BICD1: variants seen among roughly 807,000 people sequenced by gnomAD.
BICD1 encodes the protein BICD cargo adaptor 1, also known as protein bicaudal D homolog 1.
Under a neutral mutation model 92.5 loss-of-function variants are expected in BICD1, and 35 were observed. That is an observed-to-expected ratio of 0.38 (90% CI 0.29 to 0.50). BICD1 has a LOEUF of 0.50. BICD1 is among the 20% of genes least tolerant of loss of function. The pLI is 0.93. For missense variants in BICD1, 950 were observed against 1,189.8 expected (o/e 0.80, Z 2.97); for synonymous variants, 429 against 465.1 (o/e 0.92, Z 1.00).
At chr12:32,280,391 A>G (rs947898381) in intron 2 of BICD1, among the ~76,000 whole-genome samples, 1 of 152,232 alleles carries the variant, frequency 6.6e-6, no homozygotes, top group African/African-American at 2.4e-5. Context: ...TTTGTGAAGA[A>G]GTGATAAGAC....
At chr12:32,167,307 G>A (rs987492890) in intron 1 of BICD1, among the ~76,000 whole-genome samples, 2 of 152,162 alleles carry the variant, frequency 1.3e-5, no homozygotes, top group Non-Finnish European at 2.9e-5. Context: ...TTCTGAGATA[G>A]CAAAGCAATG....
Position 32,107,297 on chromosome 12 carries a change from C to T in BICD1, c.-35C>T. 6.5e-7 allele frequency: 1 copy of T among 1,545,418 alleles called. No individual in the cohort carries two copies. The highest frequency in any genetic ancestry group is 8.8e-7 in the Non-Finnish European group (1 of 1,136,412). On this transcript the variant is annotated 5_prime_UTR_variant, in exon 1 of 10. Coordinates refer to ENST00000652176, the MANE Select transcript of BICD1 (RefSeq NM_001714.4). The stretch of plus-strand genomic sequence containing the variant: ...CCAGCTTCGCATCCATCTCCCCCAC[C>T]CCGTAACCCCCTCCTGCCTCCATCC...
In BICD1 at chr12:32,240,477, C is replaced by T. The variant is rs573952492; in HGVS notation, c.426+24018C>T. Among the ~76,000 whole-genome samples, 5 of 152,302 alleles carry T rather than the reference C, an allele frequency of 3.3e-5. No individual in the cohort carries two copies. In the East Asian group the frequency reaches 9.6e-4, roughly 29 times the overall value. ...TTCCTCCATCTTTCAAAGCCAGCAG[C>T]CGTGTAGCATCTTGTTTCAATGTCA... On this transcript the variant is annotated intron_variant, in intron 2 of 9. Transcript: ENST00000652176.
intron 1 of BICD1, among the ~76,000 whole-genome samples, chr12:32,113,687 G>A (rs973075752): frequency 6.7e-6 from 1 of 149,976 alleles, no homozygotes; most frequent in South Asian, 2.1e-4. Flanking sequence ...GGGACTACAG[G>A]AGCATACCAC....
intron 2 of BICD1, among the ~76,000 whole-genome samples, chr12:32,230,655 A>G (rs1212854453): frequency 4.6e-5 from 7 of 152,154 alleles, no homozygotes; most frequent in African/African-American, 1.7e-4. Flanking sequence ...CAGAATTTTT[A>G]GAGAGGAGAG....
chr12:32,360,703 A>G (rs1051724262), intron 8 of BICD1, among the ~76,000 whole-genome samples: 16 of 152,106 alleles, frequency 1.1e-4, no homozygotes, highest in Admixed American at 9.8e-4. Flanking sequence ...TAGACTCATA[A>G]CTAATTGAAT....
chr12:32,150,168 C>A (rs1943247958), intron 1 of BICD1, among the ~76,000 whole-genome samples: 1 of 152,184 alleles, frequency 6.6e-6, no homozygotes. Context: ...CCGGGTCCCT[C>A]CTACAACACA....
At chr12:32,371,224 C>T (rs540239656) in intron 9 of BICD1, among the ~76,000 whole-genome samples, 90 of 152,286 alleles carry the variant, frequency 5.9e-4, no homozygotes, top group African/African-American at 2.1e-3. Context: ...CACATGAATA[C>T]AGCCTGGTCT....
At chr12:32,189,461 G>C (rs1944506350) in intron 1 of BICD1, among the ~76,000 whole-genome samples, 1 of 152,178 alleles carries the variant, frequency 6.6e-6, no homozygotes, top group Non-Finnish European at 1.5e-5. Flanking sequence ...ATGGGGTGAG[G>C]CATGAGGTGA....
At chr12:32,347,689 C>G (rs552519698) in intron 8 of BICD1, among the ~76,000 whole-genome samples, 8 of 151,684 alleles carry the variant, frequency 5.3e-5, no homozygotes, top group South Asian at 2.1e-4. Flanking sequence ...TCATACATCT[C>G]TTATTTGTTA....
intron 8 of BICD1, among the ~76,000 whole-genome samples, chr12:32,365,203 C>T (rs112294108): frequency 4.1e-4 from 63 of 152,274 alleles, no homozygotes; most frequent in African/African-American, 1.5e-3. Flanking sequence ...TGCCATTGCA[C>T]TCCAGCCTGG....
intron 4 of BICD1, among the ~76,000 whole-genome samples, chr12:32,316,385 G>T (rs1222149310): frequency 2.6e-5 from 4 of 151,704 alleles, no homozygotes; most frequent in Non-Finnish European, 5.9e-5. Flanking sequence ...CCACCTCCTG[G>T]GTTCAAGCGA....
chr12:32,119,840 C>T (rs545482474), intron 1 of BICD1, among the ~76,000 whole-genome samples: 14 of 151,610 alleles, frequency 9.2e-5, no homozygotes, highest in Non-Finnish European at 1.9e-4. Context: ...CACTTCACTC[C>T]AGCTTGGGCG....
chr12:32,223,732 A>G (rs1484879949), intron 2 of BICD1, among the ~76,000 whole-genome samples: 2 of 152,158 alleles, frequency 1.3e-5, no homozygotes, highest in African/African-American at 4.8e-5. Flanking sequence ...AACTTGGCTA[A>G]TTTGGCATAT....
At chr12:32,266,284 C>T (rs1432574755) in intron 2 of BICD1, among the ~76,000 whole-genome samples, 1 of 152,068 alleles carries the variant, frequency 6.6e-6, no homozygotes, top group African/African-American at 2.4e-5. Context: ...CTTAGAAACA[C>T]TAGAAATTAT....
intron 2 of BICD1, among the ~76,000 whole-genome samples, chr12:32,240,761 A>C (rs1348929926): frequency 6.6e-6 from 1 of 152,244 alleles, no homozygotes; most frequent in African/African-American, 2.4e-5. Flanking sequence ...CATGTTCTAC[A>C]CCAGTAAGGA....
chr12:32,107,081 A>G lies in BICD1; in HGVS notation c.-251A>G, dbSNP rs1163878806. ...ACGCAGGGGCCGGCCCCGAGGACAC[A>G]TGCGGCGGCCTTTGCCGCCTCGCCC... On this transcript the variant is annotated 5_prime_UTR_variant, in exon 1 of 10. An upstream start codon of the reference 5' UTR is lost. Transcript: ENST00000652176. 3 of 497,426 alleles carry G rather than the reference A, an allele frequency of 6.0e-6. No individual in the cohort carries two copies. The highest frequency in any genetic ancestry group is 1.1e-5 in the Non-Finnish European group (3 of 275,840). 30.8% of individuals were successfully genotyped at this position (497,426 alleles called of 1,614,324 possible).
intron 1 of BICD1, among the ~76,000 whole-genome samples, chr12:32,109,798 A>G (rs1308548212): frequency 6.6e-6 from 1 of 151,962 alleles, no homozygotes; most frequent in Admixed American, 6.6e-5. Flanking sequence ...TATAACTTAA[A>G]TGAGTTAAAT....
intron 8 of BICD1, among the ~76,000 whole-genome samples, chr12:32,348,263 A>AT (rs1565688457): frequency 3.3e-5 from 5 of 152,218 alleles, no homozygotes; most frequent in African/African-American, 4.8e-5. Context: ...GAAGAGATCA[A>AT]CATGAAAAAC....
Sources: allele counts gnomAD v4.1 joint callset (sites outside exome capture counted in the v4.1 genomes callset), GRCh38; gene constraint gnomAD v4.1.1; transcripts MANE v1.5; gene names NCBI Gene and HGNC (gene_info 2026-07-23, HGNC 2026-07-21).